TRAPPC3L: variants seen among roughly 807,000 people sequenced by gnomAD.
The protein encoded by TRAPPC3L is trafficking protein particle complex subunit 3L.
In TRAPPC3L, 23 loss-of-function variants were observed where a neutral mutation model predicts 23.7. That is an observed-to-expected ratio of 0.97 (90% CI 0.70 to 1.37). TRAPPC3L has a LOEUF of 1.37. Among genes scored for constraint, TRAPPC3L ranks in the 40% most tolerant of loss-of-function variants. The pLI is 0.00. For synonymous variants in TRAPPC3L, 81 were observed against 77.9 expected (o/e 1.04, Z -0.21); for missense variants, 212 against 216.8 (o/e 0.98, Z 0.14).
chr6:116,543,415 G>A lies in TRAPPC3L; in HGVS notation c.43-15C>T, dbSNP rs781715087. 6.5e-7 allele frequency: 1 copy of A among 1,536,456 alleles called. No homozygotes were observed. The highest frequency in any genetic ancestry group is 8.8e-7 in the Non-Finnish European group (1 of 1,136,058). ...AGATCTTTATTCTGGAGAAAAAGGG[G>A]TAGTTTCTGGTTATAGGCAAGTTAT... On this transcript the variant is annotated splice_polypyrimidine_tract_variant and intron_variant, in intron 1 of 4. Coordinates refer to ENST00000368602, the MANE Select transcript of TRAPPC3L (RefSeq NM_001139444.3).
At chr6:116,519,556 C>T (rs1772292701) in intron 3 of TRAPPC3L, 1 of 152,222 alleles carries the variant, frequency 6.6e-6, no homozygotes, top group South Asian at 2.1e-4. Flanking sequence ...TTTGCCATAA[C>T]AGTCTCTTCT....
At chr6:116,501,532 T>A (rs763112647) in intron 3 of TRAPPC3L, among the ~76,000 whole-genome samples, 7 of 152,214 alleles carry the variant, frequency 4.6e-5, no homozygotes, top group Non-Finnish European at 8.8e-5. Flanking sequence ...AGCATGGTGT[T>A]TGAGCTCCGA....
intron 2 of TRAPPC3L, 87 bp downstream of exon 2, chr6:116,543,215 GA>G (rs1371592417): frequency 1.1e-6 from 1 of 928,392 alleles, no homozygotes; most frequent in Non-Finnish European, 1.6e-6. Flanking sequence ...CTGGTGAAAT[GA>G]AGCAAAGGAA....
rs551490264 is a variant in TRAPPC3L at position 116,537,403 on chromosome 6, G to A, written c.240+2960C>T. Among the ~76,000 whole-genome samples, 37 of 152,218 alleles carry A rather than the reference G, an allele frequency of 2.4e-4. 2 individuals are homozygous for A. In the South Asian group the frequency reaches 5.2e-3, roughly 21 times the overall value. ...GTGTACCATTAGGAGGTCAAATTTC[G>A]TTAGAATCTTCTTTACTCTTTTAAA... On this transcript the variant is annotated intron_variant, in intron 3 of 4. Transcript: ENST00000368602.
At chr6:116,514,686 A>C (rs542614089) in intron 3 of TRAPPC3L, among the ~76,000 whole-genome samples, 13 of 152,332 alleles carry the variant, frequency 8.5e-5, no homozygotes, top group African/African-American at 3.1e-4. Flanking sequence ...GACCCTTCAC[A>C]AACACTCTAT....
At chr6:116,543,623 T>C (rs989597999) in intron 1 of TRAPPC3L, 10 of 646,884 alleles carry the variant, frequency 1.5e-5, no homozygotes, top group Non-Finnish European at 2.4e-5. Flanking sequence ...ATAAAATGAA[T>C]TTCGTAACAT....
chr6:116,521,668 A>C (rs1267550313), intron 3 of TRAPPC3L: 3 of 152,082 alleles, frequency 2.0e-5, no homozygotes, highest in Non-Finnish European at 4.4e-5. Flanking sequence ...CTTTTTTGGA[A>C]ACACCCCTAC....
Position 116,511,638 on chromosome 6 carries a change from T to C in TRAPPC3L, c.241-10972A>G, listed in dbSNP as rs1436862341. 5.9e-6 allele frequency: 9 copies of C among 1,530,374 alleles called. No homozygotes were observed. The African/African-American group carries it at 6.9e-5, about 12-fold the overall frequency. The allele number at this position is 1,530,374 out of a possible 1,614,324, so 94.8% of individuals were successfully genotyped here. On this transcript the variant is annotated intron_variant, in intron 3 of 4. Transcript: ENST00000368602. ...AAGAAAGAGCTCCACCCTCGGCCAC[T>C]GCCACAGCTGCTCTGCCAATAACAA...
At chr6:116,520,538 C>A (rs1395746946) in intron 3 of TRAPPC3L, 1 of 152,132 alleles carries the variant, frequency 6.6e-6, no homozygotes, top group Non-Finnish European at 1.5e-5. Flanking sequence ...GTCAGTAGCT[C>A]TCGATGTTGG....
intron 3 of TRAPPC3L, among the ~76,000 whole-genome samples, chr6:116,501,990 G>C (rs908273033): frequency 1.3e-5 from 2 of 152,160 alleles, no homozygotes; most frequent in Non-Finnish European, 2.9e-5. Context: ...ACAACTCTTT[G>C]CCAGCAAGGG....
At position 116,540,891 on chromosome 6, in the gene TRAPPC3L, C is replaced by G. The variant is rs926905648; in HGVS notation, c.141-429G>C. Among the ~76,000 whole-genome samples the G allele has an allele frequency of 9.2e-5, 14 of 152,052 alleles. 1 individual carries two copies. The highest frequency in any genetic ancestry group is 2.4e-5 in the African/African-American group (1 of 41,414). ...CTCGCTCTTCTCTTAGCATTGTTAT[C>G]AGGGTAGAAGGGCAGGCATTTCCAG... is the stretch of plus-strand genomic sequence containing the variant. On this transcript the variant is annotated intron_variant, in intron 2 of 4. Coordinates refer to ENST00000368602, the MANE Select transcript of TRAPPC3L (RefSeq NM_001139444.3).
chr6:116,542,043 T>A (rs1773496357), intron 2 of TRAPPC3L, among the ~76,000 whole-genome samples: 2 of 152,188 alleles, frequency 1.3e-5, no homozygotes, highest in African/African-American at 4.8e-5. Flanking sequence ...ATTTTTGTAG[T>A]CAAATAAGTG....
chr6:116,545,602 G>T lies in TRAPPC3L; in HGVS notation c.-88C>A. 1 of 1,237,594 alleles carries T rather than the reference G, an allele frequency of 8.1e-7. No homozygotes were observed. Among genetic ancestry groups the T allele is most frequent in the Non-Finnish European group, 1.1e-6 (1 of 885,302 alleles). The allele number at this position is 1,237,594 out of a possible 1,614,324, so 76.7% of individuals were successfully genotyped here. ...GTATCAGTCCATGTCTTTTTGTTTT[G>T]TTTTTGTAAGCTCTTCCTCGCTTTG... On this transcript the variant is annotated 5_prime_UTR_variant, in exon 1 of 5. Coordinates refer to ENST00000368602, the MANE Select transcript of TRAPPC3L (RefSeq NM_001139444.3).
intron 3 of TRAPPC3L, among the ~76,000 whole-genome samples, chr6:116,529,737 G>A (rs1772582917): frequency 6.6e-6 from 1 of 152,168 alleles, no homozygotes; most frequent in Admixed American, 6.5e-5. Flanking sequence ...AGGACCATCA[G>A]CAAAAATCAG....
At chr6:116,508,218 G>C (rs1229913159) in intron 3 of TRAPPC3L, among the ~76,000 whole-genome samples, 1 of 151,816 alleles carries the variant, frequency 6.6e-6, no homozygotes, top group Non-Finnish European at 1.5e-5. Context: ...GTCTGGCACA[G>C]TACCTGGCAC....
At chr6:116,543,768 G>C in intron 1 of TRAPPC3L, 1 of 1,458,748 alleles carries the variant, frequency 6.9e-7, no homozygotes, top group South Asian at 1.3e-5. Flanking sequence ...TTTTCAGTTG[G>C]AAGCAAGAAT....
intron 3 of TRAPPC3L, chr6:116,524,302 T>G (rs1469521844): frequency 6.6e-6 from 1 of 152,246 alleles, no homozygotes; most frequent in Admixed American, 6.5e-5. Flanking sequence ...TTGAAAAATT[T>G]CATAAGGTAC....
intron 3 of TRAPPC3L, among the ~76,000 whole-genome samples, chr6:116,512,557 G>C (rs1163612085): frequency 1.3e-5 from 2 of 152,176 alleles, no homozygotes; most frequent in African/African-American, 4.8e-5. Context: ...ATCATAAATT[G>C]AGTGTTAATG....
At chr6:116,516,024 G>C in intron 3 of TRAPPC3L, 4 of 1,541,344 alleles carry the variant, frequency 2.6e-6, no homozygotes, top group Non-Finnish European at 3.5e-6. Context: ...GTGTTGAGTG[G>C]CATGCTCATT....
Sources: allele counts gnomAD v4.1 joint callset (sites outside exome capture counted in the v4.1 genomes callset), GRCh38; gene constraint gnomAD v4.1.1; transcripts MANE v1.5; gene names NCBI Gene and HGNC (gene_info 2026-07-23, HGNC 2026-07-21).